Variants in ADGRL2 observed in about 807,000 individuals in gnomAD.
The protein encoded by ADGRL2 is adhesion G protein-coupled receptor L2.
A neutral mutation model predicts 157.4 loss-of-function variants in ADGRL2; 44 were observed. The ratio of observed to expected loss-of-function variants is 0.28; its 90% CI spans 0.22 to 0.36. ADGRL2 has a LOEUF of 0.36. Ranked by LOEUF, ADGRL2 falls within the 10% of genes least tolerant of loss-of-function variation. The pLI is 1.00. For missense variants in ADGRL2, 1,510 were observed against 1,768.9 expected, an observed-to-expected ratio of 0.85 and a Z score of 2.63; for synonymous variants, 585 against 624.7, an observed-to-expected ratio of 0.94 and a Z score of 0.95.
intron 2 of ADGRL2, among the ~76,000 whole-genome samples, chr1:81,522,455 G>A (rs1247553015): frequency 6.6e-6 from 1 of 152,182 alleles, no homozygotes; most frequent in Admixed American, 6.5e-5. Context: ...TAACATGTCA[G>A]TTCAAGAGCT....
chr1:81,665,792 A>G (rs1228058509), intron 3 of ADGRL2, among the ~76,000 whole-genome samples: 2 of 152,104 alleles, frequency 1.3e-5, no homozygotes, highest in Non-Finnish European at 2.9e-5. Context: ...AAATTCCTTT[A>G]TGAACCTTCA....
chr1:81,410,905 T>G (rs1163355390), intron 1 of ADGRL2, among the ~76,000 whole-genome samples: 1 of 152,208 alleles, frequency 6.6e-6, no homozygotes, highest in Non-Finnish European at 1.5e-5. Context: ...AAAGCGTATA[T>G]TAAGTGTACA....
At chr1:81,517,464 CAAAAAAAAAAAAA>C (rs397956551) in intron 2 of ADGRL2, among the ~76,000 whole-genome samples, 13 of 45,268 alleles carry the variant, frequency 2.9e-4, no homozygotes, top group African/African-American at 9.8e-4. Flanking sequence ...GACTCCCTCT[CAAAAAAAAAAAAA>C]AAAAAAAAAA....
At chr1:81,902,174 G>A (rs747590215) in intron 2 of ADGRL2, among the ~76,000 whole-genome samples, 6 of 152,170 alleles carry the variant, frequency 3.9e-5, no homozygotes, top group South Asian at 2.1e-4. Context: ...ATAAAGACCC[G>A]AATCAATAGA....
At chr1:81,876,459 AT>A (rs2093844168) in intron 2 of ADGRL2, among the ~76,000 whole-genome samples, 1 of 152,138 alleles carries the variant, frequency 6.6e-6, no homozygotes, top group Non-Finnish European at 1.5e-5. Context: ...TTTTACACTC[AT>A]TCATATGTGC....
chr1:81,830,204 A>G (rs1320732105), intron 1 of ADGRL2, among the ~76,000 whole-genome samples: 1 of 152,204 alleles, frequency 6.6e-6, no homozygotes, highest in Non-Finnish European at 1.5e-5. Context: ...ACACAGGACC[A>G]GTTAATACAG....
chr1:81,903,251 CAT>C (rs1012499447), intron 2 of ADGRL2, among the ~76,000 whole-genome samples: 41 of 152,248 alleles, frequency 2.7e-4, no homozygotes, highest in Admixed American at 2.6e-3. Context: ...TTATGGTACA[CAT>C]GTTTACATTT....
intron 2 of ADGRL2, among the ~76,000 whole-genome samples, chr1:81,482,826 T>C (rs959403734): frequency 6.6e-6 from 1 of 151,282 alleles, no homozygotes; most frequent in African/African-American, 2.4e-5. Flanking sequence ...GTTTTATATA[T>C]TGAATTATAC....
chr1:81,825,194 C>A (rs188728035), intron 1 of ADGRL2, among the ~76,000 whole-genome samples: 1 of 151,884 alleles, frequency 6.6e-6, no homozygotes, highest in Non-Finnish European at 1.5e-5. Flanking sequence ...TACTAAAAAT[C>A]AAAAATAAAG....
chr1:81,672,403 TG>T (rs1231375290), intron 3 of ADGRL2, among the ~76,000 whole-genome samples: 13 of 152,222 alleles, frequency 8.5e-5, no homozygotes, highest in African/African-American at 3.1e-4. Context: ...TCCTGTGGTA[TG>T]GAACTGATAC....
intron 3 of ADGRL2, among the ~76,000 whole-genome samples, chr1:81,657,358 C>T (rs2082557428): frequency 6.6e-6 from 1 of 152,162 alleles, no homozygotes; most frequent in Non-Finnish European, 1.5e-5. Flanking sequence ...TGAGCCCTCA[C>T]CAGACACCAA....
At chr1:81,904,678 G>T (rs2094551705) in intron 2 of ADGRL2, among the ~76,000 whole-genome samples, 1 of 152,236 alleles carries the variant, frequency 6.6e-6, no homozygotes, top group African/African-American at 2.4e-5. Context: ...GGGAAGCGGA[G>T]GTGGGCGGAT....
rs374807175 is a variant in ADGRL2, at chr1:81,929,339, G to A, written c.288-7389G>A. On this transcript the variant is annotated intron_variant, in intron 3 of 23. Coordinates refer to ENST00000686636, the MANE Select transcript of ADGRL2 (RefSeq NM_001366006.2). ...TGCAGTGCCATCGGTGACGGGGAAC[G>A]ATGGGACAGTGAAGAAGTAATTTAA... 2.8e-4 allele frequency among the ~76,000 whole-genome samples: 42 copies of A among 152,284 alleles called. 1 individual carries two copies. The East Asian group carries it at 5.0e-3, about 18-fold the overall frequency.
intron 17 of ADGRL2, among the ~76,000 whole-genome samples, chr1:81,976,708 T>C (rs1660293621): frequency 6.6e-6 from 1 of 151,956 alleles, no homozygotes; most frequent in Non-Finnish European, 1.5e-5. Flanking sequence ...AAAATACAAC[T>C]AACTGTTGTT....
intron 3 of ADGRL2, among the ~76,000 whole-genome samples, chr1:81,684,418 G>A (rs763700512): frequency 1.3e-5 from 2 of 152,070 alleles, no homozygotes; most frequent in Non-Finnish European, 2.9e-5. Context: ...TTTGTTCACC[G>A]TTTGTATATC....
chr1:81,594,129 T>C (rs2081185834), intron 3 of ADGRL2, among the ~76,000 whole-genome samples: 1 of 152,220 alleles, frequency 6.6e-6, no homozygotes, highest in South Asian at 2.1e-4. Flanking sequence ...GTACAAGATT[T>C]TGTATGTTGG....
At chr1:81,483,582 G>A (rs1570237217) in intron 2 of ADGRL2, among the ~76,000 whole-genome samples, 1 of 152,210 alleles carries the variant, frequency 6.6e-6, no homozygotes, top group Non-Finnish European at 1.5e-5. Flanking sequence ...TCCCCCAGAA[G>A]CAATTAAAAA....
intron 1 of ADGRL2, among the ~76,000 whole-genome samples, chr1:81,334,926 G>A (rs904759374): frequency 2.0e-5 from 3 of 152,248 alleles, no homozygotes; most frequent in Non-Finnish European, 2.9e-5. Context: ...AGGTGTAAAG[G>A]TGTCTTTGGT....
intron 3 of ADGRL2, among the ~76,000 whole-genome samples, chr1:81,689,896 C>T (rs2083298715): frequency 6.6e-6 from 1 of 152,186 alleles, no homozygotes; most frequent in Non-Finnish European, 1.5e-5. Flanking sequence ...ACAACGCCCT[C>T]TCATTTTCAC....
Sources: gnomAD v4.1 joint callset for allele counts (sites outside exome capture counted in the v4.1 genomes callset) on GRCh38, gnomAD v4.1.1 for gene constraint, MANE v1.5 for transcripts, NCBI Gene and HGNC (gene_info 2026-07-23, HGNC 2026-07-21) for gene names.